Variants in HHAT observed in about 807,000 individuals in gnomAD.
HHAT encodes the protein hedgehog acyltransferase.
Under a neutral mutation model 70.8 loss-of-function variants are expected in HHAT, and 47 were observed. That is an observed-to-expected ratio of 0.66 (90% CI 0.53 to 0.85). The LOEUF (loss-of-function observed/expected upper bound fraction) is 0.85, where lower values mean the gene tolerates loss of function less well. Ranked by LOEUF, HHAT falls within the 40% of genes least tolerant of loss-of-function variation. The probability of loss-of-function intolerance (pLI) is 0.00; values close to 1 mark genes in which losing one functional copy is unlikely to be tolerated. For synonymous variants in HHAT, 228 were observed against 247.6 expected (o/e 0.92, Z 0.74); for missense variants, 609 against 604.8 (o/e 1.01, Z -0.07).
Position 210,387,481 on chromosome 1 carries a change from TTGAG to T in HHAT, c.176_179del (p.Glu59GlyfsTer21). 1 of 1,613,998 alleles carries T rather than the reference TTGAG, an allele frequency of 6.2e-7. No homozygotes were observed. The highest frequency in any genetic ancestry group is 1.3e-5 in the African/African-American group (1 of 75,020). On this transcript the variant is annotated frameshift_variant, in exon 4 of 12. Transcript: ENST00000261458. LOFTEE classifies it high-confidence loss of function. ...TGTCCTATTTAGGATGCGACCGACT[TTGAG>T]TGGAGCTTCTGGATGGAATGGGGGA...
chr1:210,550,238 G>A (rs2095516988), intron 9 of HHAT, among the ~76,000 whole-genome samples: 1 of 149,382 alleles, frequency 6.7e-6, no homozygotes, highest in African/African-American at 2.5e-5. Context: ...TCAGCTGGCT[G>A]AGATTTCTAA....
intron 9 of HHAT, among the ~76,000 whole-genome samples, chr1:210,560,359 C>A (rs1474709501): frequency 1.3e-5 from 2 of 152,136 alleles, no homozygotes; most frequent in Non-Finnish European, 2.9e-5. Context: ...TCACCTCTCT[C>A]ATGCTTTGTT....
intron 10 of HHAT, among the ~76,000 whole-genome samples, chr1:210,621,665 A>G (rs1437968247): frequency 6.6e-6 from 1 of 152,128 alleles, no homozygotes; most frequent in Non-Finnish European, 1.5e-5. Context: ...AACAGTTTTC[A>G]CACCATGTAG....
chr1:210,432,582 G>A (rs1483249693), intron 7 of HHAT, among the ~76,000 whole-genome samples: 1 of 151,930 alleles, frequency 6.6e-6, no homozygotes, highest in Non-Finnish European at 1.5e-5. Flanking sequence ...CTAATATGCT[G>A]CTTTAGTTGT....
chr1:210,546,172 C>T (rs2095481570), intron 9 of HHAT, among the ~76,000 whole-genome samples: 1 of 152,234 alleles, frequency 6.6e-6, no homozygotes, highest in Non-Finnish European at 1.5e-5. Flanking sequence ...GTGTCTACTA[C>T]ATGCCAGGCA....
In HHAT at chr1:210,340,242, G is replaced by GGGGAAAAAA. The variant is rs1553313987; in HGVS notation, c.-43-8691_-43-8690insGGGAAAAAA. ...GGGGATAGAGCAAGACTCTGTCTCA[G>GGGGAAAAAA]AAAAAAAAAAAAAAAAAAAAAAAAA... On this transcript the variant is annotated intron_variant, in intron 1 of 11. Transcript: ENST00000261458. 7.5e-3 allele frequency among the ~76,000 whole-genome samples: 751 copies of GGGGAAAAAA among 99,732 alleles called. 54 individuals carry two copies. The highest frequency in any genetic ancestry group is 0.024 in the African/African-American group (708 of 29,578). 65.4% of individuals were successfully genotyped at this position (99,732 alleles called of 152,430 possible).
intron 7 of HHAT, among the ~76,000 whole-genome samples, chr1:210,459,622 C>T (rs985365819): frequency 1.3e-5 from 2 of 152,170 alleles, no homozygotes; most frequent in African/African-American, 2.4e-5. Context: ...TCTTCACCCC[C>T]TTCAAGTTTT....
chr1:210,507,151 G>C (rs901583978), intron 8 of HHAT, among the ~76,000 whole-genome samples: 2 of 152,098 alleles, frequency 1.3e-5, no homozygotes, highest in Non-Finnish European at 2.9e-5. Context: ...CTAGTCATGA[G>C]ACTGGGAATA....
intron 7 of HHAT, among the ~76,000 whole-genome samples, chr1:210,445,877 CTTTTTTT>C (rs112654722): frequency 6.8e-6 from 1 of 147,368 alleles, no homozygotes; most frequent in African/African-American, 2.5e-5. Context: ...GTTACAGGCT[CTTTTTTT>C]TTTTTAATTC....
At chr1:210,626,723 T>G (rs1171930755) in intron 11 of HHAT, among the ~76,000 whole-genome samples, 1 of 152,164 alleles carries the variant, frequency 6.6e-6, no homozygotes, top group Non-Finnish European at 1.5e-5. Context: ...AGAAGATTAA[T>G]ATGAATATTC....
intron 4 of HHAT, among the ~76,000 whole-genome samples, chr1:210,396,842 G>A (rs1397942923): frequency 6.6e-6 from 1 of 152,184 alleles, no homozygotes; most frequent in Non-Finnish European, 1.5e-5. Flanking sequence ...TCTTTGAAAT[G>A]GAGAAGAGGT....
intron 11 of HHAT, among the ~76,000 whole-genome samples, chr1:210,660,226 A>G (rs1046073083): frequency 4.6e-5 from 7 of 152,250 alleles, no homozygotes; most frequent in African/African-American, 9.6e-5. Context: ...GTCTCAGGAT[A>G]CAAAATCAAT....
In HHAT at chr1:210,625,213, T is replaced by C. The variant is rs749650255; in HGVS notation, c.1390+1543T>C. On this transcript the variant is annotated intron_variant, in intron 11 of 11. Transcript: ENST00000261458. ...AGCGAAAGCTGTCCTTTAATAAAGA[T>C]GAGAGATAATAGGGCATTATGGATC... is the stretch of plus-strand genomic sequence containing the variant. Among the ~76,000 whole-genome samples, 11 of 152,174 alleles carry C rather than the reference T, an allele frequency of 7.2e-5. 1 individual carries two copies. The highest frequency in any genetic ancestry group is 1.3e-4 in the Non-Finnish European group (9 of 68,024).
At chr1:210,595,142 T>C (rs1275718667) in intron 10 of HHAT, among the ~76,000 whole-genome samples, 1 of 151,480 alleles carries the variant, frequency 6.6e-6, no homozygotes, top group East Asian at 2.0e-4. Context: ...CAGGCCCCAG[T>C]GTGTGATGTT....
chr1:210,517,484 CACTT>C (rs2095077196), intron 9 of HHAT, among the ~76,000 whole-genome samples: 1 of 152,148 alleles, frequency 6.6e-6, no homozygotes, highest in African/African-American at 2.4e-5. Context: ...CATGTGGTCT[CACTT>C]ATATGTGGAA....
intron 10 of HHAT, among the ~76,000 whole-genome samples, chr1:210,597,554 C>T (rs2148813210): frequency 6.6e-6 from 1 of 152,164 alleles, no homozygotes; most frequent in East Asian, 1.9e-4. Flanking sequence ...ATACAAAGTC[C>T]CTGCCACTCT....
chr1:210,588,316 TA>T, intron 10 of HHAT: 1 of 463,172 alleles, frequency 2.2e-6, no homozygotes, highest in South Asian at 4.9e-5. Context: ...TATATAACTA[TA>T]AAAAATGTAT....
chr1:210,513,360 A>G (rs1302636351), intron 9 of HHAT, among the ~76,000 whole-genome samples, 172 bp downstream of exon 9: 5 of 152,226 alleles, frequency 3.3e-5, no homozygotes, highest in Non-Finnish European at 7.3e-5. Flanking sequence ...TCACACGATT[A>G]AACAATTAAA....
chr1:210,615,307 C>G (rs560762637), intron 10 of HHAT, among the ~76,000 whole-genome samples: 16 of 152,212 alleles, frequency 1.1e-4, no homozygotes, highest in African/African-American at 3.6e-4. Context: ...TTAAGGACTT[C>G]TCTGCATTGG....
Sources: gnomAD v4.1 joint callset for allele counts (sites outside exome capture counted in the v4.1 genomes callset) on GRCh38, gnomAD v4.1.1 for gene constraint, MANE v1.5 for transcripts, NCBI Gene and HGNC (gene_info 2026-07-23, HGNC 2026-07-21) for gene names.